SOX6: variants seen among roughly 807,000 people sequenced by gnomAD.
SOX6 encodes SRY-box transcription factor 6.
Under a neutral mutation model 97.8 loss-of-function variants are expected in SOX6, and 11 were observed. The ratio of observed to expected loss-of-function variants is 0.11; its 90% CI spans 0.07 to 0.19. The LOEUF is 0.19. Ranked by LOEUF, SOX6 falls within the 10% of genes least tolerant of loss-of-function variation. SOX6 has a pLI of 1.00. For missense variants in SOX6, 810 were observed against 1,039.5 expected, an observed-to-expected ratio of 0.78 and a Z score of 3.04; for synonymous variants, 360 against 371.4, an observed-to-expected ratio of 0.97 and a Z score of 0.35.
At chr11:16,715,896 C>A (rs561743769) in intron 2 of SOX6, among the ~76,000 whole-genome samples, 3 of 152,174 alleles carry the variant, frequency 2.0e-5, no homozygotes, top group African/African-American at 7.2e-5. Flanking sequence ...TAAGAAATTT[C>A]AAAGTTCTAG....
chr11:16,548,489 C>T (rs923329959), intron 4 of SOX6, among the ~76,000 whole-genome samples: 4 of 152,008 alleles, frequency 2.6e-5, no homozygotes, highest in African/African-American at 9.7e-5. Context: ...GGCCATAGAC[C>T]TAAATATAGA....
chr11:16,255,445 A>C (rs1274461372), intron 3 of SOX6, among the ~76,000 whole-genome samples: 1 of 152,142 alleles, frequency 6.6e-6, no homozygotes, highest in Admixed American at 6.6e-5. Flanking sequence ...TCGGTAACAG[A>C]ATGATAGCTG....
chr11:16,327,440 T>C (rs1028854748), intron 2 of SOX6, among the ~76,000 whole-genome samples: 1 of 152,190 alleles, frequency 6.6e-6, no homozygotes, highest in African/African-American at 2.4e-5. Context: ...AGTGGAATAA[T>C]AAATACTAAA....
chr11:16,511,982 T>A (rs954295251), intron 4 of SOX6, among the ~76,000 whole-genome samples: 8 of 152,148 alleles, frequency 5.3e-5, no homozygotes. Flanking sequence ...TGGCAAGACA[T>A]AACTAAACAA....
intron 4 of SOX6, among the ~76,000 whole-genome samples, chr11:16,203,724 T>TA (rs903545018): frequency 2.6e-5 from 4 of 152,072 alleles, no homozygotes; most frequent in African/African-American, 4.8e-5. Flanking sequence ...TTAGAACACT[T>TA]AGAGTCAAGA....
chr11:16,195,246 T>G (rs960779445), intron 4 of SOX6, among the ~76,000 whole-genome samples: 3 of 152,204 alleles, frequency 2.0e-5, no homozygotes, highest in African/African-American at 7.2e-5. Flanking sequence ...ACTAAGCTAT[T>G]GAGACAGAAA....
chr11:16,479,665 T>G (rs1860309995), upstream of SOX6, among the ~76,000 whole-genome samples: 1 of 152,110 alleles, frequency 6.6e-6, no homozygotes, highest in Non-Finnish European at 1.5e-5. Flanking sequence ...AAATAAAATG[T>G]TTTCACTCAT....
Position 16,375,063 on chromosome 11 carries a change from CA to C in SOX6, c.-4-33812del, listed in dbSNP as rs1009014829. On this transcript the variant is annotated intron_variant, in intron 1 of 15. Transcript: ENST00000396356. ...AACTTCAAAATGAAGCAACATCTAA[CA>C]AAAAAAAATTACTGCTGCCATTAGG... Among the ~76,000 whole-genome samples the C allele has an allele frequency of 8.0e-4, 120 of 150,590 alleles. 1 individual carries two copies. Among genetic ancestry groups the C allele is most frequent in the African/African-American group, 2.6e-3 (108 of 41,106 alleles).
intron 10 of SOX6, among the ~76,000 whole-genome samples, chr11:16,052,111 T>C (rs965223244): frequency 6.6e-6 from 1 of 152,184 alleles, no homozygotes; most frequent in African/African-American, 2.4e-5. Context: ...GTTTATTACA[T>C]CTTTTTTAAC....
At chr11:16,581,742 T>A (rs1490395111) in intron 4 of SOX6, among the ~76,000 whole-genome samples, 2 of 151,848 alleles carry the variant, frequency 1.3e-5, no homozygotes, top group African/African-American at 2.4e-5. Flanking sequence ...GGTGGGTGGA[T>A]CAAGAGGTCA....
chr11:15,977,549 C>G (rs913388834), intron 15 of SOX6, among the ~76,000 whole-genome samples: 1 of 151,802 alleles, frequency 6.6e-6, no homozygotes, highest in Non-Finnish European at 1.5e-5. Flanking sequence ...CCTCTTTACC[C>G]AGTTCCAATT....
At chr11:16,436,120 A>G (rs948848846) in intron 1 of SOX6, among the ~76,000 whole-genome samples, 2 of 152,180 alleles carry the variant, frequency 1.3e-5, no homozygotes, top group Non-Finnish European at 2.9e-5. Flanking sequence ...CAAATCAATA[A>G]TGATTGCTGT....
chr11:16,335,637 T>C (rs770163925), intron 2 of SOX6, among the ~76,000 whole-genome samples: 9 of 152,164 alleles, frequency 5.9e-5, no homozygotes, highest in Non-Finnish European at 1.2e-4. Flanking sequence ...TTAGAAATCT[T>C]CTCAAAGTCT....
chr11:16,114,530 G>T (rs1349659781), intron 6 of SOX6, among the ~76,000 whole-genome samples: 19 of 152,112 alleles, frequency 1.2e-4, no homozygotes, highest in Non-Finnish European at 1.5e-5. Flanking sequence ...GCATATTCAG[G>T]ACTAGAAATT....
chr11:16,179,558 T>C (rs1215703279), intron 6 of SOX6, among the ~76,000 whole-genome samples: 2 of 151,922 alleles, frequency 1.3e-5, no homozygotes, highest in Non-Finnish European at 2.9e-5. Flanking sequence ...AGCAATGGCA[T>C]TTAGTTCAGG....
At chr11:16,067,954 AC>A (rs1289883777) in intron 9 of SOX6, among the ~76,000 whole-genome samples, 1 of 152,190 alleles carries the variant, frequency 6.6e-6, no homozygotes, top group Non-Finnish European at 1.5e-5. Context: ...ATTATCTCTT[AC>A]CCTTATATTT....
chr11:16,524,415 A>G (rs938320759), intron 4 of SOX6, among the ~76,000 whole-genome samples: 3 of 152,168 alleles, frequency 2.0e-5, no homozygotes, highest in Admixed American at 1.3e-4. Flanking sequence ...AAGGCCTTTG[A>G]CAAAATTCAA....
chr11:16,269,701 C>A (rs773821625), intron 3 of SOX6, among the ~76,000 whole-genome samples: 1 of 150,906 alleles, frequency 6.6e-6, no homozygotes, highest in African/African-American at 2.4e-5. Context: ...TTTGTTGCTA[C>A]GGCAAATGGT....
intron 6 of SOX6, among the ~76,000 whole-genome samples, chr11:16,164,563 C>T (rs1333114985): frequency 6.6e-6 from 1 of 152,192 alleles, no homozygotes; most frequent in Non-Finnish European, 1.5e-5. Context: ...GTGGCTCACG[C>T]CTGTAATCCC....
Sources: allele counts gnomAD v4.1 joint callset (sites outside exome capture counted in the v4.1 genomes callset), GRCh38; gene constraint gnomAD v4.1.1; transcripts MANE v1.5; gene names NCBI Gene and HGNC (gene_info 2026-07-23, HGNC 2026-07-21).